The following CNTN5 variants were observed in gnomAD, a reference collection of about 807,000 sequenced individuals.
The protein encoded by CNTN5 is contactin-5.
CNTN5 carries 77 observed loss-of-function variants against 129.1 expected under a neutral mutation model. The ratio of observed to expected loss-of-function variants is 0.60; its 90% CI spans 0.50 to 0.72. The LOEUF (loss-of-function observed/expected upper bound fraction) is 0.72. Ranked by LOEUF, CNTN5 falls within the 30% of genes least tolerant of loss-of-function variation. The pLI is 0.00. For missense variants in CNTN5, 1,478 were observed against 1,328.8 expected, an observed-to-expected ratio of 1.11 and a Z score of -1.75; for synonymous variants, 509 against 465.6, an observed-to-expected ratio of 1.09 and a Z score of -1.20.
chr11:99,512,155 C>T (rs7952445), intron 2 of CNTN5, among the ~76,000 whole-genome samples: 8,792 of 152,194 alleles, frequency 0.058, 265 homozygotes, highest in South Asian at 0.08. Context: ...ACCCTGCCGC[C>T]TCCATTCAAA....
At chr11:99,266,217 TACA>T (rs1273462563) in intron 1 of CNTN5, among the ~76,000 whole-genome samples, 1 of 152,138 alleles carries the variant, frequency 6.6e-6, no homozygotes, top group Non-Finnish European at 1.5e-5. Flanking sequence ...ATAATATCAA[TACA>T]ACATTTTAAA....
At chr11:100,268,143 AAC>A (rs1950341191) in intron 17 of CNTN5, among the ~76,000 whole-genome samples, 1 of 152,170 alleles carries the variant, frequency 6.6e-6, no homozygotes, top group African/African-American at 2.4e-5. Context: ...TCATAATTGG[AAC>A]AGATTGGGTA....
chr11:99,376,460 G>A (rs1439930434), intron 2 of CNTN5, among the ~76,000 whole-genome samples: 4 of 152,130 alleles, frequency 2.6e-5, no homozygotes, highest in African/African-American at 9.7e-5. Context: ...GTTTAAAACT[G>A]AACATTGAAG....
chr11:99,268,107 C>A (rs1292929411), intron 1 of CNTN5, among the ~76,000 whole-genome samples: 2 of 151,880 alleles, frequency 1.3e-5, no homozygotes, highest in Non-Finnish European at 2.9e-5. Flanking sequence ...TGGTTTTAGG[C>A]AAGTTACTTA....
intron 1 of CNTN5, among the ~76,000 whole-genome samples, chr11:99,045,834 A>T (rs2135155163): frequency 6.6e-6 from 1 of 152,316 alleles, no homozygotes; most frequent in East Asian, 1.9e-4. Context: ...CAGTGGTAAC[A>T]TGGATGTAAA....
rs143953154 is a variant in CNTN5, at chr11:99,891,946, A to G, written c.578-24108A>G. 8.0e-3 allele frequency among the ~76,000 whole-genome samples: 1,226 copies of G among 152,314 alleles called. 13 individuals are homozygous for G. Among genetic ancestry groups the G allele is most frequent in the Middle Eastern group, 0.02 (6 of 294 alleles). ...GGTTGAACTAATTTACACTCCCAACAACAGTGTAAAAGCATTTCTATCTCT... is the reference window on the plus strand; with the variant it reads ...GGTTGAACTAATTTACACTCCCAACGACAGTGTAAAAGCATTTCTATCTCT... On this transcript the variant is annotated intron_variant, in intron 6 of 24. Transcript: ENST00000524871.
intron 3 of CNTN5, among the ~76,000 whole-genome samples, chr11:99,715,261 G>A (rs896161173): frequency 6.6e-6 from 1 of 151,828 alleles, no homozygotes; most frequent in Non-Finnish European, 1.5e-5. Flanking sequence ...TGTAGTGGGA[G>A]AACTTATTTT....
At chr11:100,302,669 A>G (rs985351705) in intron 20 of CNTN5, among the ~76,000 whole-genome samples, 10 of 151,530 alleles carry the variant, frequency 6.6e-5, no homozygotes, top group African/African-American at 1.9e-4. Context: ...TTGGGAGGGA[A>G]GCAGAGAACA....
At chr11:99,684,878 A>G (rs775342487) in intron 3 of CNTN5, among the ~76,000 whole-genome samples, 2 of 150,396 alleles carry the variant, frequency 1.3e-5, no homozygotes, top group Admixed American at 1.3e-4. Context: ...CAAAAATTTT[A>G]GTAATTGTTG....
At chr11:99,489,795 A>G (rs1024928499) in intron 2 of CNTN5, among the ~76,000 whole-genome samples, 10 of 152,166 alleles carry the variant, frequency 6.6e-5, no homozygotes, top group African/African-American at 2.4e-4. Flanking sequence ...TGCAGGGAGA[A>G]TGTGGGAGAG....
At chr11:99,638,242 A>G (rs1048764728) in intron 3 of CNTN5, among the ~76,000 whole-genome samples, 39 of 152,266 alleles carry the variant, frequency 2.6e-4, no homozygotes, top group African/African-American at 8.4e-4. Flanking sequence ...GAGACTTACT[A>G]TCATGAGACT....
intron 3 of CNTN5, among the ~76,000 whole-genome samples, chr11:99,737,758 A>C (rs1434471921): frequency 3.3e-5 from 5 of 152,236 alleles, no homozygotes; most frequent in East Asian, 3.9e-4. Flanking sequence ...TTCAAAAACT[A>C]TTTCCTGAGT....
intron 3 of CNTN5, among the ~76,000 whole-genome samples, chr11:99,638,275 A>G (rs541817817): frequency 6.6e-6 from 1 of 152,230 alleles, no homozygotes; most frequent in Non-Finnish European, 1.5e-5. Flanking sequence ...ACCAGCCCCC[A>G]TGATTCATTT....
rs183553881 is a variant in CNTN5, at chr11:100,283,703, T to C, written c.2314+12462T>C. Among the ~76,000 whole-genome samples, 798 of 152,206 alleles carry C rather than the reference T, an allele frequency of 5.2e-3. 11 individuals are homozygous for C. The highest frequency in any genetic ancestry group is 0.018 in the African/African-American group (748 of 41,526). On this transcript the variant is annotated intron_variant, in intron 18 of 24. Transcript: ENST00000524871. ...GCTCACACCTGTAATCCCAGCACTT[T>C]GGGAGGCCGAGGTGGGTGAATAACC...
At chr11:99,141,551 C>G (rs1859516601) in intron 1 of CNTN5, among the ~76,000 whole-genome samples, 1 of 151,964 alleles carries the variant, frequency 6.6e-6, no homozygotes, top group Admixed American at 6.6e-5. Flanking sequence ...TGACTTCTGT[C>G]TTTGGTGGTT....
chr11:100,261,319 C>T (rs1234538523), intron 17 of CNTN5, among the ~76,000 whole-genome samples: 1 of 152,250 alleles, frequency 6.6e-6, no homozygotes, highest in African/African-American at 2.4e-5. Flanking sequence ...AATGGAAAAA[C>T]ATTCCATGCT....
chr11:99,278,973 G>T (rs1863574303), intron 1 of CNTN5, among the ~76,000 whole-genome samples: 2 of 151,490 alleles, frequency 1.3e-5, no homozygotes, highest in South Asian at 2.1e-4. Context: ...ACCTTTCAAA[G>T]AAAAATCAGG....
chr11:99,246,510 C>A (rs1861823228), intron 1 of CNTN5, among the ~76,000 whole-genome samples: 1 of 152,106 alleles, frequency 6.6e-6, no homozygotes, highest in African/African-American at 2.4e-5. Context: ...ATACAGGTCA[C>A]AAGTTCCTAG....
At chr11:99,068,146 A>G (rs186764197) in intron 1 of CNTN5, among the ~76,000 whole-genome samples, 114 of 152,272 alleles carry the variant, frequency 7.5e-4, no homozygotes, top group Non-Finnish European at 1.5e-3. Context: ...TTCTTTATGA[A>G]TTACCTAGTC....
Sources: gnomAD v4.1 joint callset for allele counts (sites outside exome capture counted in the v4.1 genomes callset) on GRCh38, gnomAD v4.1.1 for gene constraint, MANE v1.5 for transcripts, NCBI Gene and HGNC (gene_info 2026-07-23, HGNC 2026-07-21) for gene names.